Variants in RPL11 observed in about 807,000 individuals in gnomAD.
RPL11 encodes ribosomal protein L11.
In RPL11, 3 loss-of-function variants were observed where a neutral mutation model predicts 24.1. The ratio of observed to expected loss-of-function variants is 0.12; its 90% CI spans 0.06 to 0.32. The LOEUF (loss-of-function observed/expected upper bound fraction) is 0.32, where lower values mean the gene tolerates loss of function less well. Ranked by LOEUF, RPL11 falls within the 10% of genes least tolerant of loss-of-function variation. The pLI is 1.00. For missense variants in RPL11, 146 were observed against 225.7 expected (o/e 0.65, Z 2.26); for synonymous variants, 96 against 75.7 (o/e 1.27, Z -1.39).
chr1:23,696,581 T>G lies in RPL11; in HGVS notation c.*208T>G. 1 of 629,806 alleles carries G rather than the reference T, an allele frequency of 1.6e-6. No individual in the cohort carries two copies. Among genetic ancestry groups the G allele is most frequent in the Non-Finnish European group, 2.9e-6 (1 of 350,738 alleles). 39.0% of individuals were successfully genotyped at this position (629,806 alleles called of 1,614,324 possible). On this transcript the variant is annotated 3_prime_UTR_variant, in exon 6 of 6. Coordinates refer to ENST00000643754, the MANE Select transcript of RPL11 (RefSeq NM_000975.5). ...AGATCCAAGTCCAAGCTTCATAGCA[T>G]TCATTGCCTGTGCTTGCCACACCTT...
chr1:23,692,309 C>G (rs1230280536), intron 1 of RPL11: 3 of 439,982 alleles, frequency 6.8e-6, no homozygotes, highest in African/African-American at 4.0e-5. Flanking sequence ...CTTAGTTGGC[C>G]TTACAATGGG....
At chr1:23,694,919 C>T in intron 4 of RPL11, 128 bp downstream of exon 4, 1 of 1,447,034 alleles carries the variant, frequency 6.9e-7, no homozygotes, top group Non-Finnish European at 9.6e-7. Flanking sequence ...GTGTTCTCCT[C>T]CCCCTTGGGG....
At chr1:23,692,899 TC>T (rs374411380) in intron 2 of RPL11, 140 bp downstream of exon 2, 40 of 891,680 alleles carry the variant, frequency 4.5e-5, no homozygotes, top group South Asian at 1.1e-4. Context: ...CCAAGAGGTG[TC>T]TTTTTTTTTT....
rs765277053 is a variant in RPL11, at chr1:23,693,768, T to A, written c.158-39T>A. ...GGGAAAGAGGTGAGTGTAGTGGGGG[T>A]ATGATGGCATCTGACTCCTTGTTAC... On this transcript the variant is annotated intron_variant, in intron 2 of 5. Transcript: ENST00000643754. The A allele has an allele frequency of 1.7e-5, 23 of 1,370,454 alleles. No individual in the cohort carries two copies. In the South Asian group the frequency reaches 2.2e-4, roughly 13 times the overall value. 84.9% of individuals were successfully genotyped at this position (1,370,454 alleles called of 1,614,324 possible).
At chr1:23,692,360 A>G (rs1195422827) in intron 1 of RPL11, 2 of 500,248 alleles carry the variant, frequency 4.0e-6, no homozygotes, top group African/African-American at 1.9e-5. Flanking sequence ...GTTCGATCTC[A>G]GTGTCCGTAT....
intron 2 of RPL11, 104 bp downstream of exon 2, chr1:23,692,863 C>T (rs923106980): frequency 2.0e-5 from 27 of 1,369,898 alleles, no homozygotes; most frequent in Non-Finnish European, 2.7e-5. Context: ...GTCGGCATCA[C>T]TTAAAGCATT....
intron 1 of RPL11, chr1:23,692,382 C>T (rs1394953891): frequency 3.6e-6 from 2 of 550,022 alleles, no homozygotes; most frequent in African/African-American, 1.9e-5. Context: ...TTTTAACACT[C>T]AATAACTGTC....
intron 4 of RPL11, 109 bp downstream of exon 4, chr1:23,694,900 T>C: frequency 1.3e-6 from 2 of 1,543,356 alleles, no homozygotes; most frequent in Admixed American, 3.4e-5. Flanking sequence ...TTGAATATTG[T>C]CTGCCTTTGT....
At position 23,696,580 on chromosome 1, in the gene RPL11, A is replaced by G. The variant is rs937353369; in HGVS notation, c.*207A>G. On this transcript the variant is annotated 3_prime_UTR_variant, in exon 6 of 6. Coordinates refer to ENST00000643754, the MANE Select transcript of RPL11 (RefSeq NM_000975.5). Reference sequence around the variant, plus strand: ...CAGATCCAAGTCCAAGCTTCATAGCATTCATTGCCTGTGCTTGCCACACCT... The same window carrying G: ...CAGATCCAAGTCCAAGCTTCATAGCGTTCATTGCCTGTGCTTGCCACACCT... 4 of 630,696 alleles carry G rather than the reference A, an allele frequency of 6.3e-6. No homozygotes were observed. Among genetic ancestry groups the G allele is most frequent in the Non-Finnish European group, 1.1e-5 (4 of 351,328 alleles). 39.1% of individuals were successfully genotyped at this position (630,696 alleles called of 1,614,324 possible).
intron 1 of RPL11, 130 bp from the exon 2 acceptor site, chr1:23,692,479 C>G (rs572810190): frequency 8.4e-7 from 1 of 1,192,590 alleles, no homozygotes; most frequent in Non-Finnish European, 1.2e-6. Flanking sequence ...AAACATTATA[C>G]CTTTTAAACA....
chr1:23,694,304 G>A (rs921430814), intron 3 of RPL11, among the ~76,000 whole-genome samples: 6 of 152,064 alleles, frequency 3.9e-5, no homozygotes, highest in Admixed American at 1.3e-4. Context: ...CTAGAACCTG[G>A]GAGGTAGAGG....
In RPL11 at chr1:23,696,477, C is replaced by A; in HGVS notation, c.*104C>A. 8.6e-7 allele frequency: 1 copy of A among 1,164,718 alleles called. No homozygotes were observed. Among genetic ancestry groups the A allele is most frequent in the African/African-American group, 1.5e-5 (1 of 66,260 alleles). The allele number at this position is 1,164,718 out of a possible 1,614,324, so 72.1% of individuals were successfully genotyped here. A position where few individuals can be genotyped will look rare whatever the true frequency, so the allele number is the denominator to read the frequency against. On this transcript the variant is annotated 3_prime_UTR_variant, in exon 6 of 6. Transcript: ENST00000643754. ...CCTGGCCATATTCAAGTCCTTGGAC[C>A]TCAAGCCACTTAAAGCTTCGATGGG...
intron 2 of RPL11, 135 bp downstream of exon 2, chr1:23,692,894 A>T: frequency 2.6e-5 from 25 of 960,730 alleles, no homozygotes; most frequent in Non-Finnish European, 3.1e-5. Context: ...GCCGGCCAAG[A>T]GGTGTCTTTT....
At chr1:23,694,003 T>C (rs181403644) in intron 3 of RPL11, 90 bp downstream of exon 3, 22 of 968,018 alleles carry the variant, frequency 2.3e-5, no homozygotes, top group Non-Finnish European at 3.4e-5. Flanking sequence ...TGTTCTTTGG[T>C]GTCTTGATAT....
chr1:23,694,978 T>A, intron 4 of RPL11, 187 bp downstream of exon 4: 1 of 836,044 alleles, frequency 1.2e-6, no homozygotes, highest in Non-Finnish European at 1.9e-6. Context: ...CTGAACAAGG[T>A]GGACAAGATC....
chr1:23,692,398 T>C lies in RPL11; in HGVS notation c.7-211T>C. 5.1e-6 allele frequency: 3 copies of C among 584,580 alleles called. No individual in the cohort carries two copies. The South Asian group carries it at 5.9e-5, about 11-fold the overall frequency. 36.2% of individuals were successfully genotyped at this position (584,580 alleles called of 1,614,324 possible). On this transcript the variant is annotated intron_variant, in intron 1 of 5. Coordinates refer to ENST00000643754, the MANE Select transcript of RPL11 (RefSeq NM_000975.5). ...TTTAACACTCAATAACTGTCCTGAG[T>C]TTTCTCTTCACCCGTTCCGTTCGTG...
chr1:23,693,716 C>T (rs1351940681), intron 2 of RPL11, 91 bp from the exon 3 acceptor site: 2 of 852,464 alleles, frequency 2.3e-6, no homozygotes, highest in Non-Finnish European at 4.0e-6. Context: ...TGCTTAATGT[C>T]TCTTTAAGTC....
At chr1:23,692,900 CTTT>C (rs549467222) in intron 2 of RPL11, 141 bp downstream of exon 2, 2,910 of 640,026 alleles carry the variant, frequency 4.5e-3, no homozygotes, top group Middle Eastern at 8.7e-3. Context: ...CAAGAGGTGT[CTTT>C]TTTTTTTTTT....
chr1:23,693,834 T>C lies in RPL11; in HGVS notation c.185T>C (p.Ile62Thr). 6.2e-7 allele frequency: 1 copy of C among 1,614,112 alleles called. No individual in the cohort carries two copies. The highest frequency in any genetic ancestry group is 8.5e-7 in the Non-Finnish European group (1 of 1,180,002). ...AGATACACTGTCAGATCCTTTGGCA[T>C]CCGGAGAAATGAAAAGATTGCTGTC... is the stretch of plus-strand genomic sequence containing the variant. ...KARYTVRSFG[I>T]RRNEKIAVHC... is the part of the protein sequence containing the mutation. The change falls in exon 3 of 6, where the codon ATC (isoleucine) becomes ACC (threonine). Residue 62 changes from isoleucine to threonine, a missense_variant. By Grantham distance (89) the Ile-to-Thr change is moderately conservative. Coordinates refer to ENST00000643754, the MANE Select transcript of RPL11 (RefSeq NM_000975.5).
Sources: gnomAD v4.1 joint callset for allele counts (sites outside exome capture counted in the v4.1 genomes callset) on GRCh38, gnomAD v4.1.1 for gene constraint, MANE v1.5 for transcripts, NCBI Gene and HGNC (gene_info 2026-07-23, HGNC 2026-07-21) for gene names.